DMD: variants seen among roughly 807,000 people sequenced by gnomAD.
DMD encodes mutant dystrophin.
In DMD, 63 loss-of-function variants were observed where a neutral mutation model predicts 330.1. The ratio of observed to expected loss-of-function variants is 0.19; its 90% CI spans 0.16 to 0.24. The LOEUF is 0.24. DMD is among the 10% of genes least tolerant of loss of function. The pLI, the probability that DMD is intolerant of heterozygous loss-of-function variation, is 1.00. For synonymous variants in DMD, 1,223 were observed against 959.8 expected, an observed-to-expected ratio of 1.27 and a Z score of -5.07; for missense variants, 3,344 against 2,684.1, an observed-to-expected ratio of 1.25 and a Z score of -5.43.
chrX:31,618,697 G>A (rs1280297367), intron 55 of DMD, among the ~76,000 whole-genome samples: 1 of 111,571 alleles, frequency 9.0e-6, no homozygotes, highest in African/African-American at 3.3e-5. Context: ...TTCGGGTTGA[G>A]CATCCCAAAT....
At chrX:32,096,374 A>G (rs1755311558) in intron 44 of DMD, among the ~76,000 whole-genome samples, 1 of 111,472 alleles carries the variant, frequency 9.0e-6, no homozygotes, top group African/African-American at 3.3e-5. Context: ...CAGCCATTCA[A>G]TTATGCTCAG....
chrX:33,135,670 C>T (rs1453600668), intron 1 of DMD, among the ~76,000 whole-genome samples: 1 of 111,942 alleles, frequency 8.9e-6, no homozygotes, highest in African/African-American at 3.2e-5. Context: ...GCCTGAATGC[C>T]TGGTTTAGAA....
At chrX:31,238,084 T>G (rs761038902) in intron 63 of DMD, among the ~76,000 whole-genome samples, 28 of 111,823 alleles carry the variant, frequency 2.5e-4, no homozygotes, top group Non-Finnish European at 5.1e-4. Flanking sequence ...GATATAAAGC[T>G]TTACCAATTT....
intron 34 of DMD, among the ~76,000 whole-genome samples, chrX:32,377,888 G>T (rs1222743194): frequency 9.0e-6 from 1 of 110,761 alleles, no homozygotes; most frequent in Non-Finnish European, 1.9e-5. Flanking sequence ...ACAATTGCTA[G>T]ACTACTTTAG....
At chrX:32,169,761 G>A (rs1029001713) in intron 44 of DMD, among the ~76,000 whole-genome samples, 7 of 111,604 alleles carry the variant, frequency 6.3e-5, no homozygotes, top group South Asian at 3.7e-4. Flanking sequence ...CTTCAGTTAC[G>A]TCATTTCTAT....
At chrX:32,190,165 T>C (rs1035400484) in intron 44 of DMD, among the ~76,000 whole-genome samples, 2 of 110,968 alleles carry the variant, frequency 1.8e-5, no homozygotes, top group African/African-American at 6.6e-5. Context: ...AAACATCCTA[T>C]AGTGGACAGG....
intron 22 of DMD, among the ~76,000 whole-genome samples, chrX:32,470,236 G>GA (rs891205218): frequency 1.5e-4 from 16 of 108,329 alleles, no homozygotes; most frequent in East Asian, 5.7e-4. Flanking sequence ...CTTACTCACA[G>GA]AAAAAAAAAG....
intron 63 of DMD, among the ~76,000 whole-genome samples, chrX:31,260,536 G>A (rs1254574299): frequency 9.0e-6 from 1 of 111,532 alleles, no homozygotes; most frequent in African/African-American, 3.3e-5. Context: ...CGGAAAGACG[G>A]CAGAAAATTC....
At chrX:32,858,136 TG>T (rs2149066570) in intron 2 of DMD, among the ~76,000 whole-genome samples, 1 of 111,568 alleles carries the variant, frequency 9.0e-6, no homozygotes, top group East Asian at 2.8e-4. Context: ...TCTAATAGAG[TG>T]CTTCTCAGAA....
intron 2 of DMD, among the ~76,000 whole-genome samples, chrX:32,895,098 C>T (rs927313363): frequency 1.8e-5 from 2 of 111,878 alleles, no homozygotes; most frequent in Non-Finnish European, 3.8e-5. Flanking sequence ...GTTTTCTTTA[C>T]ACGGGCCACC....
At chrX:31,629,725 G>A (rs1010970502) in intron 54 of DMD, among the ~76,000 whole-genome samples, 1 of 111,311 alleles carries the variant, frequency 9.0e-6, no homozygotes, top group Non-Finnish European at 1.9e-5. Context: ...ACAACTCCAC[G>A]AATCTCAATG....
chrX:32,158,703 T>C lies in DMD; in HGVS notation c.6438+58213A>G, dbSNP rs2057775900. Among the ~76,000 whole-genome samples the C allele has an allele frequency of 6.3e-5, 7 of 111,851 alleles. No homozygotes were observed. In the South Asian group the frequency reaches 2.6e-3, roughly 42 times the overall value. On this transcript the variant is annotated intron_variant, in intron 44 of 78. Transcript: ENST00000357033. ...GGTGATGTGCAGGACATAGATATTT[T>C]AAAGTTTACAAAGACATTGCCCTGT... is the stretch of plus-strand genomic sequence containing the variant.
intron 1 of DMD, among the ~76,000 whole-genome samples, chrX:33,099,681 A>T (rs1160064536): frequency 2.7e-5 from 3 of 112,205 alleles, no homozygotes; most frequent in African/African-American, 9.7e-5. Flanking sequence ...TCTCTAGAAT[A>T]GTTCTCATTT....
At chrX:31,313,871 T>C in intron 62 of DMD, among the ~76,000 whole-genome samples, 1 of 109,474 alleles carries the variant, frequency 9.1e-6, no homozygotes, top group Middle Eastern at 4.7e-3. Context: ...TCTCACTCTG[T>C]CACCCAGGCT....
chrX:32,732,152 A>C (rs1260406882), intron 7 of DMD, among the ~76,000 whole-genome samples: 2 of 111,812 alleles, frequency 1.8e-5, no homozygotes, highest in African/African-American at 6.5e-5. Flanking sequence ...AACTGGAAGA[A>C]AGGGTATCAG....
intron 30 of DMD, among the ~76,000 whole-genome samples, chrX:32,400,624 C>A (rs1188579437): frequency 1.8e-5 from 2 of 110,341 alleles, no homozygotes; most frequent in African/African-American, 6.6e-5. Flanking sequence ...ATCAAAACCA[C>A]AATGAGATAC....
chrX:31,788,687 T>C (rs1251868555), intron 50 of DMD, among the ~76,000 whole-genome samples: 1 of 111,530 alleles, frequency 9.0e-6, no homozygotes, highest in African/African-American at 3.2e-5. Context: ...CTACTATTAT[T>C]GTACTGTAGT....
rs191894633 is a variant in DMD, at chrX:31,636,763, A to G, written c.8028-8901T>C. The stretch of plus-strand genomic sequence containing the variant: ...GTGTATATATGTGTGAAAAGAGAAA[A>G]GAAATTATTATTCCTTTGCTTACCA... On this transcript the variant is annotated intron_variant, in intron 54 of 78. Coordinates refer to ENST00000357033, the MANE Select transcript of DMD (RefSeq NM_004006.3). Among the ~76,000 whole-genome samples the G allele has an allele frequency of 6.0e-3, 668 of 111,985 alleles. 4 individuals carry two copies. Among genetic ancestry groups the G allele is most frequent in the Non-Finnish European group, 0.01 (539 of 53,111 alleles).
chrX:33,194,419 G>T (rs918464245), intron 1 of DMD, among the ~76,000 whole-genome samples: 1 of 109,866 alleles, frequency 9.1e-6, no homozygotes, highest in Non-Finnish European at 1.9e-5. Context: ...GATCAAAATT[G>T]GGTTATATGA....
Sources: allele counts gnomAD v4.1 joint callset (sites outside exome capture counted in the v4.1 genomes callset), GRCh38; gene constraint gnomAD v4.1.1; transcripts MANE v1.5; gene names NCBI Gene and HGNC (gene_info 2026-07-23, HGNC 2026-07-21).